The following ARHGEF28 variants were observed in gnomAD, a reference collection of about 807,000 sequenced individuals.
The protein encoded by ARHGEF28 is Rho guanine nucleotide exchange factor 28, also known as 190 kDa guanine nucleotide exchange factor.
ARHGEF28 carries 152 observed loss-of-function variants against 206.6 expected under a neutral mutation model. The observed-to-expected ratio is 0.74, with a 90% CI of 0.64 to 0.84. The LOEUF (loss-of-function observed/expected upper bound fraction) is 0.84. Ranked by LOEUF, ARHGEF28 falls within the 40% of genes least tolerant of loss-of-function variation. ARHGEF28 has a pLI of 0.00. For synonymous variants in ARHGEF28, 763 were observed against 776.4 expected, an observed-to-expected ratio of 0.98 and a Z score of 0.29; for missense variants, 2,028 against 2,073.2, an observed-to-expected ratio of 0.98 and a Z score of 0.42.
intron 7 of ARHGEF28, among the ~76,000 whole-genome samples, chr5:73,783,378 GTGTGTGTA>G (rs1554063115): frequency 0.025 from 3,400 of 135,848 alleles, 49 homozygotes; most frequent in South Asian, 0.038. Flanking sequence ...GTGTGTGTGT[GTGTGTGTA>G]TGTGTGTGTG....
intron 35 of ARHGEF28, among the ~76,000 whole-genome samples, chr5:73,938,171 C>CACACAT (rs1417984190): frequency 7.3e-6 from 1 of 137,306 alleles, no homozygotes; most frequent in Non-Finnish European, 1.5e-5. Context: ...CACACACACA[C>CACACAT]ACACACACAC....
intron 31 of ARHGEF28, 81 bp downstream of exon 31, chr5:73,901,365 A>G (rs1393022837): frequency 4.4e-6 from 5 of 1,143,716 alleles, no homozygotes; most frequent in Non-Finnish European, 5.1e-6. Context: ...CTGTCACGGC[A>G]GTCAGTGGGG....
intron 31 of ARHGEF28, chr5:73,902,706 G>C (rs1429584330): frequency 6.6e-6 from 1 of 152,174 alleles, no homozygotes; most frequent in Admixed American, 6.5e-5. Context: ...AGAAATAATG[G>C]ATAAATCGCC....
At chr5:73,903,666 CTG>C (rs1335360218) in intron 31 of ARHGEF28, 1 of 154,112 alleles carries the variant, frequency 6.5e-6, no homozygotes, top group East Asian at 1.9e-4. Context: ...TGATCTCTGA[CTG>C]TGGTGGGATC....
chr5:73,860,654 G>A (rs1759340303), intron 16 of ARHGEF28, among the ~76,000 whole-genome samples: 1 of 152,166 alleles, frequency 6.6e-6, no homozygotes, highest in Admixed American at 6.5e-5. Context: ...GGAGGGAATT[G>A]TGCTAGTTTC....
At chr5:73,855,261 G>T (rs1287712101) in intron 14 of ARHGEF28, among the ~76,000 whole-genome samples, 1 of 152,014 alleles carries the variant, frequency 6.6e-6, no homozygotes, top group Non-Finnish European at 1.5e-5. Context: ...TTGCCCAGAG[G>T]TTATACAGTA....
At position 73,840,469 on chromosome 5, in the gene ARHGEF28, T is replaced by G; in HGVS notation, c.1147-11T>G. On this transcript the variant is annotated splice_polypyrimidine_tract_variant and intron_variant, in intron 10 of 35. Coordinates refer to ENST00000513042, the MANE Select transcript of ARHGEF28 (RefSeq NM_001177693.2). ...CTTTTACTCAGGAAATGTTTTTCTT[T>G]CAACTTCCAGGTTGGTGATTTGGAT... 2.5e-6 allele frequency: 4 copies of G among 1,607,300 alleles called. No individual in the cohort carries two copies. The highest frequency in any genetic ancestry group is 3.4e-6 in the Non-Finnish European group (4 of 1,175,946).
At chr5:73,863,015 A>C (rs1759490990) in intron 16 of ARHGEF28, 1 of 152,102 alleles carries the variant, frequency 6.6e-6, no homozygotes. Context: ...TAGTTAAATA[A>C]ATTCTTGGAC....
chr5:73,802,071 A>G (rs1755169825), intron 9 of ARHGEF28, among the ~76,000 whole-genome samples: 1 of 152,216 alleles, frequency 6.6e-6, no homozygotes, highest in Non-Finnish European at 1.5e-5. Flanking sequence ...TACAAAAGGT[A>G]TTAATGAAAG....
At position 73,848,981 on chromosome 5, in the gene ARHGEF28, A is replaced by G. The variant is rs750682940; in HGVS notation, c.1641A>G (p.Ser547=). The G allele has an allele frequency of 7.7e-6, 12 of 1,556,364 alleles. No homozygotes were observed. Among genetic ancestry groups the G allele is most frequent in the Non-Finnish European group, 1.0e-5 (12 of 1,145,722 alleles). Residue 547 remains serine, a synonymous_variant, in exon 13 of 36, where the codon TCA becomes TCG. Transcript: ENST00000513042. The part of the protein sequence containing the change: ...PLSSNLQSKE[S]LLSGVRSRSY... ...TTTATTATAATCTCTTTTAGGAATC[A>G]CTGCTTTCTGGAGTTCGCTCACGTT...
At chr5:73,857,989 G>A (rs953148635) in intron 15 of ARHGEF28, 98 bp from the exon 16 acceptor site, 13 of 1,498,804 alleles carry the variant, frequency 8.7e-6, no homozygotes, top group South Asian at 1.4e-5. Context: ...GGAAAATGTA[G>A]AGACTTTGCT....
At chr5:73,845,289 T>C (rs924352078) in intron 11 of ARHGEF28, among the ~76,000 whole-genome samples, 2 of 152,212 alleles carry the variant, frequency 1.3e-5, no homozygotes, top group Non-Finnish European at 2.9e-5. Context: ...GTGTTGGGAT[T>C]ACAGGCGTGA....
chr5:73,676,069 CTTTTTTT>C (rs70973270), intron 1 of ARHGEF28, among the ~76,000 whole-genome samples: 6 of 115,120 alleles, frequency 5.2e-5, no homozygotes, highest in Non-Finnish European at 8.7e-5. Flanking sequence ...ATTTTCTTTT[CTTTTTTT>C]TTTTTTTTTT....
intron 1 of ARHGEF28, among the ~76,000 whole-genome samples, chr5:73,682,124 C>T (rs1162065597): frequency 1.3e-5 from 2 of 152,108 alleles, no homozygotes; most frequent in African/African-American, 4.8e-5. Context: ...TCTATAAACC[C>T]ATTTAAGTGG....
chr5:73,658,421 G>A (rs547330345), intron 1 of ARHGEF28, among the ~76,000 whole-genome samples: 1 of 152,336 alleles, frequency 6.6e-6, no homozygotes, highest in Admixed American at 6.5e-5. Flanking sequence ...CACCAGAGAA[G>A]AAGGGACTAT....
chr5:73,780,983 C>A (rs2112460896), intron 7 of ARHGEF28, among the ~76,000 whole-genome samples: 1 of 152,272 alleles, frequency 6.6e-6, no homozygotes, highest in South Asian at 2.1e-4. Context: ...GGGACCTGGG[C>A]CAGGTCCTCT....
chr5:73,737,166 C>A (rs1386985259), intron 2 of ARHGEF28, among the ~76,000 whole-genome samples: 2 of 152,132 alleles, frequency 1.3e-5, no homozygotes, highest in African/African-American at 4.8e-5. Context: ...TGCAGTGTTC[C>A]TTGTCAGCAC....
Position 73,864,814 on chromosome 5 carries a change from C to A in ARHGEF28, c.2048-3C>A. The A allele has an allele frequency of 6.2e-7, 1 of 1,611,392 alleles. No homozygotes were observed. The highest frequency in any genetic ancestry group is 1.1e-5 in the South Asian group (1 of 90,500). ...GCTTTTGTATCTTTTCCCTTTATTT[C>A]AGACTGTAATGCAAATGTGCACAAA... is the stretch of plus-strand genomic sequence containing the variant. On this transcript the variant is annotated splice_polypyrimidine_tract_variant and splice_region_variant and intron_variant, in intron 16 of 35. Coordinates refer to ENST00000513042, the MANE Select transcript of ARHGEF28 (RefSeq NM_001177693.2).
At chr5:73,790,368 A>T (rs1754408433) in intron 7 of ARHGEF28, among the ~76,000 whole-genome samples, 1 of 152,174 alleles carries the variant, frequency 6.6e-6, no homozygotes, top group East Asian at 1.9e-4. Flanking sequence ...AAATGAAAAA[A>T]AACCTGTATT....
Sources: gnomAD v4.1 joint callset for allele counts (sites outside exome capture counted in the v4.1 genomes callset) on GRCh38, gnomAD v4.1.1 for gene constraint, MANE v1.5 for transcripts, NCBI Gene and HGNC (gene_info 2026-07-23, HGNC 2026-07-21) for gene names.